LIFR: variants seen among roughly 807,000 people sequenced by gnomAD.
The protein encoded by LIFR is LIF receptor subunit alpha.
LIFR carries 84 observed loss-of-function variants against 122.2 expected under a neutral mutation model. The ratio of observed to expected loss-of-function variants is 0.69; its 90% CI spans 0.58 to 0.82. The LOEUF (loss-of-function observed/expected upper bound fraction) is 0.82, where lower values mean the gene tolerates loss of function less well. Ranked by LOEUF, LIFR falls within the 40% of genes least tolerant of loss-of-function variation. The pLI is 0.00. For synonymous variants in LIFR, 422 were observed against 434.7 expected, an observed-to-expected ratio of 0.97 and a Z score of 0.36; for missense variants, 1,294 against 1,311.6, an observed-to-expected ratio of 0.99 and a Z score of 0.21.
In LIFR at chr5:38,499,495, G is replaced by A. The variant is rs201319801; in HGVS notation, c.1671+18C>T. 347 of 1,516,488 alleles carry A rather than the reference G, an allele frequency of 2.3e-4. 4 individuals are homozygous for A. The highest frequency in any genetic ancestry group is 3.8e-5 in the Non-Finnish European group (42 of 1,091,310). The allele number at this position is 1,516,488 out of a possible 1,614,324, so 93.9% of individuals were successfully genotyped here. A position where few individuals can be genotyped will look rare whatever the true frequency, so the allele number is the denominator to read the frequency against. On this transcript the variant is annotated intron_variant, in intron 12 of 19. Coordinates refer to ENST00000453190, the MANE Select transcript of LIFR (RefSeq NM_001127671.2). The stretch of plus-strand genomic sequence containing the variant: ...TAGCAAAGTAATGTAAATGTTCACA[G>A]AAAAATTAGATATTTACCTTCCAAT...
At chr5:38,506,123 G>C (rs770142726) in intron 8 of LIFR, 49 bp from the exon 9 acceptor site, 33 of 1,336,382 alleles carry the variant, frequency 2.5e-5, no homozygotes, top group Non-Finnish European at 2.7e-5. Flanking sequence ...GATAAATATT[G>C]CAGGAAAAAA....
In LIFR at chr5:38,595,045, C is replaced by G. The variant is rs545504951; in HGVS notation, c.-20+216G>C. ...GAGGAAGACCATCTCTGTAGGATGC[C>G]AAGGATTGACTGGAGAAAGTCTGGG... On this transcript the variant is annotated intron_variant, in intron 1 of 19. Transcript: ENST00000263409. 2.8e-5 allele frequency: 5 copies of G among 180,420 alleles called. No homozygotes were observed. The East Asian group carries it at 4.6e-4, about 17-fold the overall frequency. The allele number at this position is 180,420 out of a possible 1,614,324, so 11.2% of individuals were successfully genotyped here.
intron 2 of LIFR, among the ~76,000 whole-genome samples, chr5:38,601,889 C>T (rs959815487): frequency 6.6e-6 from 1 of 152,150 alleles, no homozygotes; most frequent in Non-Finnish European, 1.5e-5. Flanking sequence ...TCTCTTCTCC[C>T]CAAGCTGACT....
At position 38,476,222 on chromosome 5, in the gene LIFR, T is replaced by C; in HGVS notation, c.*5373A>G. 1 of 207,452 alleles carries C rather than the reference T, an allele frequency of 4.8e-6. No homozygotes were observed. Among genetic ancestry groups the C allele is most frequent in the East Asian group, 7.3e-5 (1 of 13,634 alleles). 12.9% of individuals were successfully genotyped at this position (207,452 alleles called of 1,614,324 possible). A position where few individuals can be genotyped will look rare whatever the true frequency, so the allele number is the denominator to read the frequency against. On this transcript the variant is annotated 3_prime_UTR_variant, in exon 20 of 20. Transcript: ENST00000453190. ...ATTGTATGAAAACCATTATTCAGTGTTCTTTTCTATGAGCAATTGCAAAAA... is the reference window on the plus strand; with the variant it reads ...ATTGTATGAAAACCATTATTCAGTGCTCTTTTCTATGAGCAATTGCAAAAA...
intron 1 of LIFR, among the ~76,000 whole-genome samples, chr5:38,554,847 C>T (rs1470886854): frequency 6.6e-6 from 1 of 152,140 alleles, no homozygotes; most frequent in Non-Finnish European, 1.5e-5. Context: ...AAAATGCACA[C>T]TATTACCAAC....
chr5:38,530,787 T>A, intron 1 of LIFR, 121 bp from the exon 2 acceptor site: 1 of 914,194 alleles, frequency 1.1e-6, no homozygotes, highest in South Asian at 1.4e-5. Context: ...TTTAGAGACT[T>A]TGGAGATACT....
chr5:38,585,181 C>T (rs1404855461), intron 1 of LIFR, among the ~76,000 whole-genome samples: 1 of 152,112 alleles, frequency 6.6e-6, no homozygotes, highest in Non-Finnish European at 1.5e-5. Flanking sequence ...AAGTTGCGTG[C>T]TTTAGAAAAA....
At chr5:38,520,881 A>G (rs187658536) in intron 5 of LIFR, among the ~76,000 whole-genome samples, 1 of 152,140 alleles carries the variant, frequency 6.6e-6, no homozygotes, top group Non-Finnish European at 1.5e-5. Context: ...GATGTCTCCA[A>G]GTTTGTTCTT....
intron 5 of LIFR, among the ~76,000 whole-genome samples, chr5:38,515,561 T>C (rs1302632029): frequency 2.0e-5 from 3 of 149,096 alleles, no homozygotes; most frequent in Non-Finnish European, 4.4e-5. Context: ...ATAGACTCTA[T>C]TGGAAAAAGC....
At chr5:38,504,268 A>T (rs2112463450) in intron 9 of LIFR, 147 bp from the exon 10 acceptor site, 2 of 623,976 alleles carry the variant, frequency 3.2e-6, no homozygotes, top group East Asian at 5.6e-5. Flanking sequence ...GGAATTGACA[A>T]ACCTAATTTC....
At chr5:38,589,718 A>ATGTGTGTG (rs35505046) in intron 1 of LIFR, among the ~76,000 whole-genome samples, 3,175 of 146,248 alleles carry the variant, frequency 0.022, 108 homozygotes, top group African/African-American at 0.074. Flanking sequence ...AGAGAAGAAA[A>ATGTGTGTG]TGTGTGTGTG....
chr5:38,604,694 C>G (rs1750290556), intron 2 of LIFR, among the ~76,000 whole-genome samples: 1 of 145,710 alleles, frequency 6.9e-6, no homozygotes, highest in South Asian at 2.2e-4. Flanking sequence ...GGGCAAGACT[C>G]TGTCTCAAAA....
upstream of LIFR, among the ~76,000 whole-genome samples, chr5:38,560,035 A>G (rs868549680): frequency 6.6e-6 from 1 of 152,180 alleles, no homozygotes; most frequent in Non-Finnish European, 1.5e-5. Context: ...AGCAACCTTG[A>G]GTTGATGGTG....
chr5:38,493,016 T>C (rs1227809618), intron 14 of LIFR, among the ~76,000 whole-genome samples: 1 of 152,214 alleles, frequency 6.6e-6, no homozygotes, highest in Non-Finnish European at 1.5e-5. Flanking sequence ...CACAAGCTCC[T>C]GAGCATCAGG....
chr5:38,558,085 T>C (rs1213738230), upstream of LIFR: 2 of 152,138 alleles, frequency 1.3e-5, no homozygotes. Flanking sequence ...ATATTTTAAT[T>C]TCTTTTCAAA....
rs767087396 is a variant in LIFR, at chr5:38,480,304, C to T, written c.*1291G>A. 2.1e-4 allele frequency: 48 copies of T among 227,304 alleles called. No individual in the cohort carries two copies. Among genetic ancestry groups the T allele is most frequent in the Middle Eastern group, 1.3e-3 (1 of 754 alleles). 14.1% of individuals were successfully genotyped at this position (227,304 alleles called of 1,614,324 possible). ...CAAGAACCACAATCACTCCAGACAT[C>T]GCTTATGAGAAACAAGGGTGGGCAG... On this transcript the variant is annotated 3_prime_UTR_variant, in exon 20 of 20. Transcript: ENST00000453190.
At chr5:38,493,194 C>T (rs774173804) in intron 14 of LIFR, among the ~76,000 whole-genome samples, 1 of 152,042 alleles carries the variant, frequency 6.6e-6, no homozygotes, top group Non-Finnish European at 1.5e-5. Flanking sequence ...TTGTGTGAGA[C>T]CAGGCTACAG....
upstream of LIFR, among the ~76,000 whole-genome samples, chr5:38,599,875 A>G (rs1235234964): frequency 6.6e-6 from 1 of 152,206 alleles, no homozygotes; most frequent in Non-Finnish European, 1.5e-5. Flanking sequence ...TCCAAAGTTA[A>G]CCTGAAAAAC....
In LIFR at chr5:38,483,113, G is replaced by A. The variant is rs540471942; in HGVS notation, c.2592-446C>T. Among the ~76,000 whole-genome samples the A allele has an allele frequency of 9.3e-5, 14 of 150,874 alleles. No homozygotes were observed. In the South Asian group the frequency reaches 2.4e-3, roughly 26 times the overall value. ...TAATCTTGACCAAAAACTAAATGCA[G>A]CCAAAAATGAGATTTGCCTTTACCG... On this transcript the variant is annotated intron_variant, in intron 18 of 19. Coordinates refer to ENST00000453190, the MANE Select transcript of LIFR (RefSeq NM_001127671.2).
Sources: gnomAD v4.1 joint callset for allele counts (sites outside exome capture counted in the v4.1 genomes callset) on GRCh38, gnomAD v4.1.1 for gene constraint, MANE v1.5 for transcripts, NCBI Gene and HGNC (gene_info 2026-07-23, HGNC 2026-07-21) for gene names.